NCALD: variants seen among roughly 807,000 people sequenced by gnomAD.
NCALD encodes neurocalcin delta, also known as neurocalcin-delta.
Under a neutral mutation model 18.6 loss-of-function variants are expected in NCALD, and 10 were observed. That is an observed-to-expected ratio of 0.54 (90% confidence interval 0.33 to 0.91). The LOEUF (loss-of-function observed/expected upper bound fraction) is 0.91. Among genes scored for constraint, NCALD ranks in the 40% least tolerant of loss-of-function variants. The pLI is 0.03. For missense variants in NCALD, 184 were observed against 247.6 expected (o/e 0.74, Z 1.72); for synonymous variants, 88 against 87.4 (o/e 1.01, Z -0.04).
At chr8:101,823,686 C>G (rs1214328728) in intron 4 of NCALD, among the ~76,000 whole-genome samples, 1 of 151,888 alleles carries the variant, frequency 6.6e-6, no homozygotes, top group Non-Finnish European at 1.5e-5. Flanking sequence ...AGAAAACTAT[C>G]AAGACTATCC....
intron 1 of NCALD, among the ~76,000 whole-genome samples, chr8:102,094,200 C>T (rs1825017307): frequency 6.6e-6 from 1 of 152,156 alleles, no homozygotes; most frequent in African/African-American, 2.4e-5. Context: ...AGAGTTTTTA[C>T]TTCTAAATTC....
chr8:101,738,111 T>C lies in NCALD; in HGVS notation c.-19-18463A>G, dbSNP rs2130661062. 2.0e-5 allele frequency among the ~76,000 whole-genome samples: 3 copies of C among 152,338 alleles called. No individual in the cohort carries two copies. The South Asian group carries it at 6.2e-4, about 32-fold the overall frequency. ...GTATCTGGGAAACTGAGACTTTCTT[T>C]ATACAGGTCCAAAGTTTATCAGCAA... On this transcript the variant is annotated intron_variant, in intron 1 of 3. Coordinates refer to ENST00000220931, the MANE Select transcript of NCALD (RefSeq NM_032041.3).
intron 4 of NCALD, among the ~76,000 whole-genome samples, chr8:101,814,520 C>T (rs1813422371): frequency 6.6e-6 from 1 of 152,076 alleles, no homozygotes; most frequent in Admixed American, 6.6e-5. Flanking sequence ...AAAAAACCTA[C>T]AGCTAGCATC....
At chr8:101,947,748 A>G (rs1819232391) in intron 2 of NCALD, among the ~76,000 whole-genome samples, 1 of 152,216 alleles carries the variant, frequency 6.6e-6, no homozygotes, top group African/African-American at 2.4e-5. Flanking sequence ...AACAAAGGCT[A>G]GAAAAATCAA....
chr8:101,942,253 C>T (rs368897187), intron 2 of NCALD, among the ~76,000 whole-genome samples: 5 of 152,256 alleles, frequency 3.3e-5, no homozygotes, highest in East Asian at 3.9e-4. Flanking sequence ...AGTCTTAACC[C>T]GTCTGCTGCT....
intron 2 of NCALD, among the ~76,000 whole-genome samples, chr8:102,007,003 T>C (rs1821737594): frequency 1.3e-5 from 2 of 152,170 alleles, no homozygotes; most frequent in African/African-American, 4.8e-5. Flanking sequence ...GAAAGAGCAA[T>C]GGTGTTCACT....
At position 101,803,386 on chromosome 8, in the gene NCALD, C is replaced by T. The variant is rs1228281731; in HGVS notation, c.-19-83738G>A. The stretch of plus-strand genomic sequence containing the variant: ...TGGTAATTGACAATGCACCTGGTCA[C>T]TCAAGAGCTCTGATGAAGATATACA... On this transcript the variant is annotated intron_variant, in intron 4 of 6. Transcript: ENST00000311028. 3.3e-5 allele frequency among the ~76,000 whole-genome samples: 5 copies of T among 152,172 alleles called. No individual in the cohort carries two copies. The East Asian group carries it at 9.6e-4, about 29-fold the overall frequency.
intron 4 of NCALD, among the ~76,000 whole-genome samples, chr8:101,856,259 C>T (rs946824338): frequency 5.3e-5 from 8 of 152,166 alleles, no homozygotes; most frequent in African/African-American, 1.9e-4. Context: ...GCAACCTCCA[C>T]CTCCCAGGCT....
rs749774200 is a variant in NCALD at position 101,908,571 on chromosome 8, G to A, written c.-107+7238C>T. Among the ~76,000 whole-genome samples the A allele has an allele frequency of 3.3e-5, 5 of 152,186 alleles. No individual in the cohort carries two copies. The East Asian group carries it at 5.8e-4, about 18-fold the overall frequency. On this transcript the variant is annotated intron_variant, in intron 3 of 6. Coordinates refer to the NCALD transcript ENST00000311028. Reference sequence around the variant, plus strand: ...CTTAGTAAATGCATCATATGATCACGGGTGTTATTAGAAGACTTCATGCAA... The same window carrying A: ...CTTAGTAAATGCATCATATGATCACAGGTGTTATTAGAAGACTTCATGCAA...
chr8:102,104,922 C>G (rs900551580), intron 1 of NCALD, among the ~76,000 whole-genome samples: 14 of 152,176 alleles, frequency 9.2e-5, no homozygotes, highest in African/African-American at 3.1e-4. Flanking sequence ...AACCTGGGAA[C>G]TTTGCAGTAA....
At chr8:102,054,743 C>T (rs1359635690) in intron 1 of NCALD, among the ~76,000 whole-genome samples, 1 of 124,468 alleles carries the variant, frequency 8.0e-6, no homozygotes, top group Non-Finnish European at 1.8e-5. Context: ...ATAGATAGAT[C>T]TATAGGATGA....
intron 4 of NCALD, among the ~76,000 whole-genome samples, chr8:101,833,029 G>A (rs928656178): frequency 8.5e-5 from 13 of 152,312 alleles, no homozygotes; most frequent in African/African-American, 2.9e-4. Flanking sequence ...AGCCACACCC[G>A]GAGCCTGGAT....
intron 2 of NCALD, among the ~76,000 whole-genome samples, chr8:101,969,530 T>A (rs1820158740): frequency 6.6e-6 from 1 of 152,218 alleles, no homozygotes; most frequent in African/African-American, 2.4e-5. Context: ...GAGTATTATG[T>A]TAATTATCAT....
rs180908619 is a variant in NCALD at position 101,729,337 on chromosome 8, G to A, written c.-19-9689C>T. Among the ~76,000 whole-genome samples, 248 of 152,316 alleles carry A rather than the reference G, an allele frequency of 1.6e-3. 2 individuals are homozygous for A. The highest frequency in any genetic ancestry group is 2.3e-3 in the Non-Finnish European group (155 of 68,016). ...GTTATATAATAATCTCACTAACTTA[G>A]TCTTTATCTTGACCAAAGAATATTC... On this transcript the variant is annotated intron_variant, in intron 1 of 3. Transcript: ENST00000220931.
chr8:101,802,635 A>T (rs1395346267), intron 4 of NCALD, among the ~76,000 whole-genome samples: 2 of 152,114 alleles, frequency 1.3e-5, no homozygotes, highest in African/African-American at 4.8e-5. Context: ...AGTAGCCTGG[A>T]GAGAAGATCA....
chr8:101,992,689 T>C (rs1224950049), intron 2 of NCALD, among the ~76,000 whole-genome samples: 2 of 152,142 alleles, frequency 1.3e-5, no homozygotes, highest in Admixed American at 6.5e-5. Context: ...GTTTCTGGAA[T>C]GGGGTCATTG....
exon 1 of NCALD, chr8:102,124,319 C>G (rs376349961): frequency 1.3e-5 from 2 of 152,342 alleles, no homozygotes; most frequent in South Asian, 2.1e-4. Flanking sequence ...CCCGCCTCCC[C>G]CTGGACAGCA....
chr8:102,081,577 C>A (rs10112833), intron 1 of NCALD, among the ~76,000 whole-genome samples: 4,553 of 44,900 alleles, frequency 0.1, 301 homozygotes, highest in African/African-American at 0.3. Flanking sequence ...AAAAAAAAAA[C>A]CCCAAAAAAA....
At chr8:102,015,372 C>T (rs1161797607) in intron 2 of NCALD, among the ~76,000 whole-genome samples, 1 of 152,098 alleles carries the variant, frequency 6.6e-6, no homozygotes, top group Non-Finnish European at 1.5e-5. Flanking sequence ...AGAAAAATGC[C>T]CAACACAGCC....
Sources: gnomAD v4.1 joint callset for allele counts (sites outside exome capture counted in the v4.1 genomes callset) on GRCh38, gnomAD v4.1.1 for gene constraint, MANE v1.5 for transcripts, NCBI Gene and HGNC (gene_info 2026-07-23, HGNC 2026-07-21) for gene names.